CAMTA1: variants seen among roughly 807,000 people sequenced by gnomAD.
CAMTA1 encodes the protein calmodulin-binding transcription activator 1.
A neutral mutation model predicts 170.9 loss-of-function variants in CAMTA1; 27 were observed. The observed-to-expected ratio is 0.16, with a 90% CI of 0.12 to 0.22. The LOEUF (loss-of-function observed/expected upper bound fraction) is 0.22. Among genes scored for constraint, CAMTA1 ranks in the 10% least tolerant of loss-of-function variants. The pLI, the probability that CAMTA1 is intolerant of heterozygous loss-of-function variation, is 1.00. For synonymous variants in CAMTA1, 833 were observed against 891.5 expected, an observed-to-expected ratio of 0.93 and a Z score of 1.17; for missense variants, 1,619 against 2,217.2, an observed-to-expected ratio of 0.73 and a Z score of 5.42.
intron 4 of CAMTA1, among the ~76,000 whole-genome samples, chr1:7,145,661 G>A (rs1359580603): frequency 6.6e-6 from 1 of 152,206 alleles, no homozygotes; most frequent in African/African-American, 2.4e-5. Context: ...TGGGGTCACT[G>A]CAGGAGCTGG....
chr1:7,740,272 C>T (rs2096802198), intron 16 of CAMTA1, among the ~76,000 whole-genome samples: 1 of 152,228 alleles, frequency 6.6e-6, no homozygotes, highest in Non-Finnish European at 1.5e-5. Context: ...TTTGTCCTAG[C>T]TACTTAATCG....
chr1:6,978,342 G>A (rs926429220), intron 3 of CAMTA1, among the ~76,000 whole-genome samples: 1 of 152,134 alleles, frequency 6.6e-6, no homozygotes, highest in African/African-American at 2.4e-5. Context: ...CCCCATAAAT[G>A]TATACACCAG....
intron 4 of CAMTA1, among the ~76,000 whole-genome samples, chr1:7,152,718 C>G (rs994338490): frequency 6.6e-6 from 1 of 152,206 alleles, no homozygotes; most frequent in Non-Finnish European, 1.5e-5. Flanking sequence ...GCCCGAGACT[C>G]TTTCCCCCTG....
At chr1:7,594,730 G>T (rs1007274528) in intron 6 of CAMTA1, among the ~76,000 whole-genome samples, 7 of 152,240 alleles carry the variant, frequency 4.6e-5, no homozygotes, top group Non-Finnish European at 1.0e-4. Context: ...TGGATGTGAA[G>T]TTAAGACGAA....
rs958114367 is a variant in CAMTA1, at chr1:7,704,758, C to G, written c.2914+27025C>G. ...GGTACCCGGAGCCCCGCGAGTCGTT[C>G]CAGCTGCGGCGAGTGGAGCTGAGCG... On this transcript the variant is annotated intron_variant, in intron 11 of 22. Transcript: ENST00000303635. 4.1e-4 allele frequency among the ~76,000 whole-genome samples: 60 copies of G among 147,840 alleles called. 1 individual carries two copies. Among genetic ancestry groups the G allele is most frequent in the African/African-American group, 1.3e-3 (54 of 41,030 alleles).
chr1:7,280,730 C>T (rs894469890), intron 5 of CAMTA1, among the ~76,000 whole-genome samples: 4 of 152,196 alleles, frequency 2.6e-5, no homozygotes, highest in African/African-American at 7.2e-5. Context: ...TATAGTTGCG[C>T]ATTTTTCATT....
At chr1:7,574,297 C>T (rs769119924) in intron 6 of CAMTA1, among the ~76,000 whole-genome samples, 1 of 152,130 alleles carries the variant, frequency 6.6e-6, no homozygotes, top group Admixed American at 6.6e-5. Flanking sequence ...CACTGCCAGG[C>T]GTTATACATG....
chr1:7,519,636 C>T (rs1229271676), intron 6 of CAMTA1, among the ~76,000 whole-genome samples: 1 of 151,788 alleles, frequency 6.6e-6, no homozygotes, highest in Non-Finnish European at 1.5e-5. Context: ...GAAATCTAGC[C>T]TAGAGCCAAC....
chr1:7,196,773 T>G (rs1655602386), intron 4 of CAMTA1, among the ~76,000 whole-genome samples: 1 of 152,146 alleles, frequency 6.6e-6, no homozygotes, highest in African/African-American at 2.4e-5. Context: ...TGTCTAGGAG[T>G]AAGATTGAAG....
chr1:7,678,177 G>A (rs2096143194), intron 11 of CAMTA1, among the ~76,000 whole-genome samples: 1 of 152,370 alleles, frequency 6.6e-6, no homozygotes. Context: ...CAAGCCTCTC[G>A]AGAAAGAGGA....
Position 7,736,394 on chromosome 1 carries a change from C to T in CAMTA1, c.3117C>T (p.Val1039=), listed in dbSNP as rs903178802. 6.8e-6 allele frequency: 11 copies of T among 1,613,962 alleles called. No homozygotes were observed. Among genetic ancestry groups the T allele is most frequent in the African/African-American group, 1.3e-5 (1 of 74,964 alleles). ...GGAGCTGCTTTGAGAGCCGTGTGGT[C>T]GTGGTATGCGAGAAGATGATGAGCC... ...ALGSCFESRV[V]VVCEKMMSRA... is the part of the protein sequence containing the mutation. The change falls in exon 13 of 23, where the codon GTC becomes GTT. Residue 1039 remains valine (V), a synonymous_variant. Transcript: ENST00000303635. This position sits in a 1 kb window ranked among gnomAD's most constrained non-coding sequence, Gnocchi z 4.5.
intron 11 of CAMTA1, among the ~76,000 whole-genome samples, chr1:7,716,916 T>G (rs1375748853): frequency 6.6e-6 from 1 of 152,204 alleles, no homozygotes; most frequent in Non-Finnish European, 1.5e-5. Flanking sequence ...GTGGTCTGTG[T>G]CTACAGTGGA....
intron 4 of CAMTA1, among the ~76,000 whole-genome samples, chr1:7,187,150 G>GA (rs1208947327): frequency 6.6e-6 from 1 of 152,040 alleles, no homozygotes; most frequent in Non-Finnish European, 1.5e-5. Context: ...TGGGTGCGGG[G>GA]GCATTTGAAC....
At chr1:7,731,462 C>T (rs112043687) in intron 11 of CAMTA1, among the ~76,000 whole-genome samples, 1 of 151,340 alleles carries the variant, frequency 6.6e-6, no homozygotes, top group Non-Finnish European at 1.5e-5. Context: ...GTCCCAGCTA[C>T]TTGGGAGGCT....
chr1:7,127,984 C>T (rs939922849), intron 4 of CAMTA1, among the ~76,000 whole-genome samples: 5 of 152,196 alleles, frequency 3.3e-5, no homozygotes, highest in East Asian at 1.9e-4. Context: ...CAAACCATGC[C>T]GTTTATGCCG....
chr1:7,449,320 T>C (rs888373717), intron 5 of CAMTA1, among the ~76,000 whole-genome samples: 3 of 152,200 alleles, frequency 2.0e-5, no homozygotes, highest in African/African-American at 7.2e-5. Flanking sequence ...ACGAGGTCTC[T>C]AACTCTCATC....
At chr1:7,000,071 AGCTGGTGCTGGGTGAGGG>A (rs963880473) in intron 3 of CAMTA1, among the ~76,000 whole-genome samples, 4 of 152,232 alleles carry the variant, frequency 2.6e-5, no homozygotes, top group African/African-American at 9.6e-5. Flanking sequence ...CCCTGGTACC[AGCTGGTGCTGGGTGAGGG>A]GCTGGTGCTT....
rs190036369 is a variant in CAMTA1, at chr1:7,135,533, G to A, written c.302+44162G>A. Among the ~76,000 whole-genome samples the A allele has an allele frequency of 1.2e-4, 19 of 152,236 alleles. No homozygotes were observed. In the East Asian group the frequency reaches 3.7e-3, roughly 29 times the overall value. ...AGTTTGGAGACCTCTTACACTCTTG[G>A]TGCTGCAGGACCTGGAGGCCATGTA... is the stretch of plus-strand genomic sequence containing the variant. On this transcript the variant is annotated intron_variant, in intron 4 of 22. Coordinates refer to ENST00000303635, the MANE Select transcript of CAMTA1 (RefSeq NM_015215.4).
intron 4 of CAMTA1, among the ~76,000 whole-genome samples, chr1:7,228,653 C>T (rs1300012110): frequency 1.3e-5 from 2 of 152,308 alleles, no homozygotes; most frequent in Non-Finnish European, 2.9e-5. Flanking sequence ...AGCAAGAGCA[C>T]CTACAGGGGC....
Sources: gnomAD v4.1 joint callset for allele counts (sites outside exome capture counted in the v4.1 genomes callset) on GRCh38, gnomAD v4.1.1 for gene constraint, Gnocchi (gnomAD v3.1) non-coding constraint, MANE v1.5 for transcripts, NCBI Gene and HGNC (gene_info 2026-07-23, HGNC 2026-07-21) for gene names.